WDR62: variants seen among roughly 807,000 people sequenced by gnomAD.
The protein encoded by WDR62 is WD repeat-containing protein 62.
A neutral mutation model predicts 160.6 loss-of-function variants in WDR62; 112 were observed. The ratio of observed to expected loss-of-function variants is 0.70; its 90% confidence interval spans 0.60 to 0.82. The LOEUF is 0.82. WDR62 is among the 40% of genes least tolerant of loss of function. WDR62 has a pLI of 0.00. For synonymous variants in WDR62, 792 were observed against 815.1 expected (o/e 0.97, Z 0.48); for missense variants, 1,819 against 1,983.8 (o/e 0.92, Z 1.58).
chr19:36,066,865 G>A (rs574392950), intron 5 of WDR62, among the ~76,000 whole-genome samples: 1 of 152,290 alleles, frequency 6.6e-6, no homozygotes, highest in African/African-American at 2.4e-5. Context: ...CTCCCCCTCT[G>A]AGCCTGGTAG....
chr19:36,091,061 G>A (rs994851262), intron 16 of WDR62, 139 bp from the exon 17 acceptor site: 13 of 725,336 alleles, frequency 1.8e-5, no homozygotes, highest in African/African-American at 3.5e-5. Context: ...ATTTCTTCAC[G>A]TGTCGAATGG....
At chr19:36,067,793 G>C in intron 6 of WDR62, 35 bp from the exon 7 acceptor site, 1 of 1,610,954 alleles carries the variant, frequency 6.2e-7, no homozygotes, top group Non-Finnish European at 8.5e-7. Context: ...CCAGCTGTGT[G>C]GACAAGTATC....
In WDR62 at chr19:36,091,383, C is replaced by T; in HGVS notation, c.2147-19C>T. ...CTCTGACTCCGAAGGCAAGTGCAGC[C>T]TCTCTGCTTTGTTTGCAGAAATTAT... is the stretch of plus-strand genomic sequence containing the variant. On this transcript the variant is annotated intron_variant, in intron 17 of 31. Coordinates refer to ENST00000401500, the MANE Select transcript of WDR62 (RefSeq NM_001083961.2). The T allele has an allele frequency of 6.2e-7, 1 of 1,614,024 alleles. No individual in the cohort carries two copies. The highest frequency in any genetic ancestry group is 8.5e-7 in the Non-Finnish European group (1 of 1,179,892).
chr19:36,074,401 T>C (rs1244790517), intron 9 of WDR62: 1 of 152,554 alleles, frequency 6.6e-6, no homozygotes, highest in Non-Finnish European at 1.5e-5. Context: ...GGCTCATGCC[T>C]GTAGTCCCAG....
intron 21 of WDR62, 118 bp from the exon 22 acceptor site, chr19:36,099,281 G>GTTGT (rs1160713640): frequency 1.4e-6 from 1 of 732,076 alleles, no homozygotes; most frequent in Non-Finnish European, 2.4e-6. Context: ...GTACCTGGAA[G>GTTGT]TTGTTTCTGA....
In WDR62 at chr19:36,081,464, G is replaced by T; in HGVS notation, c.1265G>T (p.Cys422Phe). The T allele has an allele frequency of 6.2e-7, 1 of 1,614,104 alleles. No individual in the cohort carries two copies. The highest frequency in any genetic ancestry group is 8.5e-7 in the Non-Finnish European group (1 of 1,180,028). ...VYPEFEDQRA[C>F]LPSGSFLTCS... is the part of the protein sequence containing the mutation. ...CCTGAGTTTGAAGACCAGAGAGCTT[G>T]TTTGCCATCAGGATCCTTTCTGACT... Residue 422 changes from cysteine (C) to phenylalanine (F), a missense_variant, in exon 10 of 32, where the codon TGT (cysteine) becomes TTT (phenylalanine). Physicochemically the swap from Cys to Phe is radical, Grantham distance 205. Coordinates refer to ENST00000401500, the MANE Select transcript of WDR62 (RefSeq NM_001083961.2).
intron 9 of WDR62, among the ~76,000 whole-genome samples, chr19:36,077,862 C>T (rs1390113410): frequency 2.0e-5 from 3 of 151,700 alleles, no homozygotes; most frequent in Non-Finnish European, 4.4e-5. Flanking sequence ...TCCCAAAGTG[C>T]TAGGATTACA....
At chr19:36,059,495 A>T (rs1395302217) in intron 2 of WDR62, among the ~76,000 whole-genome samples, 3 of 152,092 alleles carry the variant, frequency 2.0e-5, no homozygotes, top group Non-Finnish European at 2.9e-5. Context: ...CTAGAATGCA[A>T]TAGTGTGAAT....
chr19:36,090,422 G>T (rs191624805), intron 15 of WDR62, 23 bp from the exon 16 acceptor site: 2 of 1,612,432 alleles, frequency 1.2e-6, no homozygotes, highest in Non-Finnish European at 1.7e-6. Context: ...CCTGTTGGCC[G>T]CAACATGCCC....
At position 36,101,287 on chromosome 19, in the gene WDR62, G is replaced by C. The variant is rs200503894; in HGVS notation, c.2941G>C (p.Asp981His). Reference protein sequence around the residue: ...QGDSYLRVSSDSPKDQSPPED... With the variant: ...QGDSYLRVSSHSPKDQSPPED... ...CGACTCCTACCTCAGGGTGTCCTCC[G>C]ACAGCCCAAAGGACCAGAGCCCGCC... The change falls in exon 24 of 32, where the codon GAC (aspartate) becomes CAC (histidine). Residue 981 changes from aspartate (D) to histidine (H), a missense_variant. This residue lies in a region of WDR62 where 770 missense variants were observed against 734.2 expected (regional missense o/e 1.05). Transcript: ENST00000401500. 1.2e-6 allele frequency: 2 copies of C among 1,612,270 alleles called. No individual in the cohort carries two copies. Among genetic ancestry groups the C allele is most frequent in the Admixed American group, 1.7e-5 (1 of 59,806 alleles).
chr19:36,096,710 CAAAAA>C, intron 20 of WDR62, among the ~76,000 whole-genome samples: 1 of 122,334 alleles, frequency 8.2e-6, no homozygotes, highest in South Asian at 2.5e-4. Context: ...GACTCCGTCT[CAAAAA>C]AAGAAAAAAA....
rs1973286736 is a variant in WDR62, at chr19:36,100,848, C to T, written c.2840C>T (p.Ala947Val). ...GAGCTCATCCTCTACTCTCTGGAGG[C>T]AGAAGTGACAGTCACAGGGACAGAC... ...ASELILYSLE[A>V]EVTVTGTDSQ... Residue 947 changes from alanine (A) to valine (V), a missense_variant, in exon 23 of 32, where the codon GCA becomes GTA. Ala to Val is a moderately conservative substitution (Grantham distance 64, BLOSUM62 0). Coordinates refer to ENST00000401500, the MANE Select transcript of WDR62 (RefSeq NM_001083961.2). 6.2e-7 allele frequency: 1 copy of T among 1,614,112 alleles called. No homozygotes were observed. The highest frequency in any genetic ancestry group is 1.7e-5 in the Admixed American group (1 of 60,012).
At chr19:36,104,105 A>G in intron 30 of WDR62, 124 bp downstream of exon 30, 1 of 1,269,324 alleles carries the variant, frequency 7.9e-7, no homozygotes, top group Non-Finnish European at 1.1e-6. Context: ...TCGTGCATTA[A>G]CTTAAATATT....
chr19:36,103,734 A>T lies in WDR62; in HGVS notation c.3906A>T (p.Ser1302=). 1.2e-6 allele frequency: 2 copies of T among 1,611,332 alleles called. No homozygotes were observed. Among genetic ancestry groups the T allele is most frequent in the Non-Finnish European group, 1.7e-6 (2 of 1,179,932 alleles). The change falls in exon 30 of 32, where the codon TCA becomes TCT. Residue 1302 remains serine, a synonymous_variant. Transcript: ENST00000401500. ...EARANLRLTL[S]SACDGLLQPP... ...GGGCCAACCTGAGACTGACCCTGTCAAGTGCCTGTGATGGGCTCCTGCAGC... is the reference window on the plus strand; with the variant it reads ...GGGCCAACCTGAGACTGACCCTGTCTAGTGCCTGTGATGGGCTCCTGCAGC...
At chr19:36,073,136 C>CA (rs1279316153) in intron 8 of WDR62, among the ~76,000 whole-genome samples, 1 of 152,010 alleles carries the variant, frequency 6.6e-6, no homozygotes, top group African/African-American at 2.4e-5. Context: ...CGGGGCCAGG[C>CA]AAAAATTTCC....
chr19:36,101,517 G>A (rs1973335077), intron 24 of WDR62, 147 bp from the exon 25 acceptor site: 2 of 797,074 alleles, frequency 2.5e-6, no homozygotes, highest in Non-Finnish European at 4.2e-6. Context: ...CCTTGATGTG[G>A]AACTTCCCTT....
chr19:36,077,834 G>C (rs1971664560), intron 9 of WDR62, among the ~76,000 whole-genome samples: 1 of 151,720 alleles, frequency 6.6e-6, no homozygotes, highest in Admixed American at 6.6e-5. Flanking sequence ...GAGCTCAGGT[G>C]ATCTGCCCGC....
chr19:36,106,013 T>C (rs1026627096), downstream of WDR62, among the ~76,000 whole-genome samples: 4 of 152,172 alleles, frequency 2.6e-5, no homozygotes, highest in Non-Finnish European at 4.4e-5. Context: ...CCCCGTCTCT[T>C]TAAATAAAAC....
downstream of WDR62, among the ~76,000 whole-genome samples, chr19:36,109,026 G>T (rs1973759271): frequency 6.6e-6 from 1 of 152,160 alleles, no homozygotes; most frequent in African/African-American, 2.4e-5. Context: ...GAGGCCCAAT[G>T]AGAAATGACT....
Sources: gnomAD v4.1 joint callset for allele counts (sites outside exome capture counted in the v4.1 genomes callset) on GRCh38, gnomAD v4.1.1 for gene constraint, gnomAD v4.1.1 regional missense constraint, MANE v1.5 for transcripts, NCBI Gene and HGNC (gene_info 2026-07-23, HGNC 2026-07-21) for gene names.